Variants in SYT2 observed in about 807,000 individuals in gnomAD.
SYT2 encodes synaptotagmin-2.
Under a neutral mutation model 39.9 loss-of-function variants are expected in SYT2, and 15 were observed. The ratio of observed to expected loss-of-function variants is 0.38; its 90% CI spans 0.25 to 0.58. The LOEUF (loss-of-function observed/expected upper bound fraction) is 0.58. Ranked by LOEUF, SYT2 falls within the 20% of genes least tolerant of loss-of-function variation. The pLI is 0.70. For synonymous variants in SYT2, 181 were observed against 204.5 expected, an observed-to-expected ratio of 0.89 and a Z score of 0.98; for missense variants, 389 against 530.3, an observed-to-expected ratio of 0.73 and a Z score of 2.62.
rs1177775910 is a variant in SYT2, at chr1:202,628,076, C to T, written c.-17-22287G>A. 6.6e-6 allele frequency among the ~76,000 whole-genome samples: 1 copy of T among 152,178 alleles called. No homozygotes were observed. Among genetic ancestry groups the T allele is most frequent in the Non-Finnish European group, 1.5e-5 (1 of 68,034 alleles). ...TCTAACGGGAAGATCACAAAGGCAC[C>T]GGGCTCAGAGGTGGGTGCCGGGGGC... On this transcript the variant is annotated intron_variant, in intron 1 of 8. Transcript: ENST00000367268. The surrounding 1 kb of genome is among the most constrained non-coding windows in gnomAD (Gnocchi z 4.2).
intron 1 of SYT2, among the ~76,000 whole-genome samples, chr1:202,634,735 G>A (rs1348937527): frequency 6.6e-6 from 1 of 152,172 alleles, no homozygotes; most frequent in Non-Finnish European, 1.5e-5. Flanking sequence ...GCTTCAATGT[G>A]GCTAAACCTT....
chr1:202,597,763 A>C (rs1690350336), intron 8 of SYT2, among the ~76,000 whole-genome samples: 1 of 152,134 alleles, frequency 6.6e-6, no homozygotes, highest in African/African-American at 2.4e-5. Context: ...GACCCATTGG[A>C]GGATGCTGGA....
chr1:202,643,995 G>A lies in SYT2; in HGVS notation c.-17-38206C>T, dbSNP rs116135178. On this transcript the variant is annotated intron_variant, in intron 1 of 8. Transcript: ENST00000367268. ...GGGAGGGAAACGATTTGCTTCGGGA[G>A]ATAAGGATGAAGGTTTTCCTGAGTC... 7.5e-3 allele frequency among the ~76,000 whole-genome samples: 1,146 copies of A among 152,310 alleles called. 11 individuals carry two copies. Among genetic ancestry groups the A allele is most frequent in the African/African-American group, 0.026 (1,078 of 41,578 alleles).
intron 1 of SYT2, among the ~76,000 whole-genome samples, chr1:202,708,765 C>G (rs551103614): frequency 2.6e-5 from 4 of 152,218 alleles, no homozygotes; most frequent in Non-Finnish European, 5.9e-5. Context: ...TCAGAGCCAC[C>G]CTGCCCCCTT....
chr1:202,646,286 C>T (rs945962726), intron 1 of SYT2, among the ~76,000 whole-genome samples: 5 of 152,244 alleles, frequency 3.3e-5, no homozygotes, highest in African/African-American at 9.6e-5. Context: ...GGCCATGCTC[C>T]TTCCTGCTGC....
At chr1:202,661,591 G>A (rs933482723) in intron 1 of SYT2, among the ~76,000 whole-genome samples, 3 of 152,110 alleles carry the variant, frequency 2.0e-5, no homozygotes, top group Non-Finnish European at 2.9e-5. Context: ...GCCTGGCAGG[G>A]GGAGCTCAGC....
intron 1 of SYT2, among the ~76,000 whole-genome samples, chr1:202,634,539 G>A (rs1412346101): frequency 6.6e-6 from 1 of 151,516 alleles, no homozygotes; most frequent in Non-Finnish European, 1.5e-5. Context: ...GCATATACCC[G>A]AGAGAAATGA....
At chr1:202,607,273 C>T (rs529137955) in intron 1 of SYT2, among the ~76,000 whole-genome samples, 2 of 152,276 alleles carry the variant, frequency 1.3e-5, no homozygotes, top group East Asian at 3.9e-4. Context: ...GTTGACTGGG[C>T]TCCTCTGAGG....
Position 202,615,958 on chromosome 1 carries a change from G to A in SYT2, c.-17-10169C>T, listed in dbSNP as rs1691019732. Among the ~76,000 whole-genome samples the A allele has an allele frequency of 1.3e-5, 2 of 152,188 alleles. 1 individual carries two copies. The highest frequency in any genetic ancestry group is 4.1e-4 in the South Asian group (2 of 4,830). ...GCGCCAGCCCTGGAGAAATCCCACTGACAGCTTTCTCCTTCTCCATGGCTA... is the reference window on the plus strand; with the variant it reads ...GCGCCAGCCCTGGAGAAATCCCACTAACAGCTTTCTCCTTCTCCATGGCTA... On this transcript the variant is annotated intron_variant, in intron 1 of 8. Transcript: ENST00000367268.
chr1:202,611,983 T>C (rs1414168819), intron 1 of SYT2, among the ~76,000 whole-genome samples: 1 of 152,140 alleles, frequency 6.6e-6, no homozygotes, highest in Non-Finnish European at 1.5e-5. Flanking sequence ...CCCGAGTAGC[T>C]AGGACTACAG....
At chr1:202,620,397 A>AT (rs1691171060) in intron 1 of SYT2, among the ~76,000 whole-genome samples, 3 of 151,808 alleles carry the variant, frequency 2.0e-5, no homozygotes, top group Non-Finnish European at 4.4e-5. Flanking sequence ...GAACAGCCAC[A>AT]CTTGGCCTGG....
rs140328497 is a variant in SYT2 at position 202,665,876 on chromosome 1, G to A, written c.-18+44382C>T. On this transcript the variant is annotated intron_variant, in intron 1 of 8. Transcript: ENST00000367268. ...TATTTCTTTAAAAAGCTAACTAGCC[G>A]GGCGCTGTGGCTCACACCTGTAATC... 6.3e-3 allele frequency among the ~76,000 whole-genome samples: 960 copies of A among 152,228 alleles called. 5 individuals are homozygous for A. Among genetic ancestry groups the A allele is most frequent in the Middle Eastern group, 0.01 (3 of 294 alleles).
intron 1 of SYT2, among the ~76,000 whole-genome samples, chr1:202,701,547 G>T (rs1326275031): frequency 2.6e-5 from 4 of 152,178 alleles, no homozygotes; most frequent in African/African-American, 9.7e-5. Context: ...AACTGAAAAT[G>T]GCATTTCATT....
intron 1 of SYT2, among the ~76,000 whole-genome samples, chr1:202,631,315 A>G (rs553400801): frequency 1.1e-4 from 16 of 152,166 alleles, no homozygotes; most frequent in Non-Finnish European, 2.2e-4. Context: ...GGTGGCTCCT[A>G]TCAGACCCTG....
At position 202,614,728 on chromosome 1, in the gene SYT2, C is replaced by T. The variant is rs1036596317; in HGVS notation, c.-17-8939G>A. ...TCCAGGTAAAGAGGAGATGAAAGGGCAGCCTAGGCAGAGAGCACAGCCTAT... is the reference window on the plus strand; with the variant it reads ...TCCAGGTAAAGAGGAGATGAAAGGGTAGCCTAGGCAGAGAGCACAGCCTAT... On this transcript the variant is annotated intron_variant, in intron 1 of 8. Coordinates refer to ENST00000367268, the MANE Select transcript of SYT2 (RefSeq NM_177402.5). This position sits in a 1 kb window ranked among gnomAD's most constrained non-coding sequence, Gnocchi z 4.0. Among the ~76,000 whole-genome samples, 7 of 152,200 alleles carry T rather than the reference C, an allele frequency of 4.6e-5. No individual in the cohort carries two copies. Among genetic ancestry groups the T allele is most frequent in the Non-Finnish European group, 1.0e-4 (7 of 68,032 alleles).
At position 202,601,953 on chromosome 1, in the gene SYT2, G is replaced by A; in HGVS notation, c.738C>T (p.Asn246=). The part of the protein sequence containing the change: ...DIIGEVKVPM[N]TVDLGQPIEE... The stretch of plus-strand genomic sequence containing the variant: ...CAATGGGCTGGCCGAGGTCCACTGT[G>A]TTCATAGGCACCTTTACCTCTCCAA... The change falls in exon 6 of 9, where the codon AAC becomes AAT. Residue 246 remains asparagine, a synonymous_variant. Coordinates refer to ENST00000367268, the MANE Select transcript of SYT2 (RefSeq NM_177402.5). This position sits in a 1 kb window ranked among gnomAD's most constrained non-coding sequence, Gnocchi z 4.0. 3.1e-6 allele frequency: 5 copies of A among 1,614,192 alleles called. No homozygotes were observed. The highest frequency in any genetic ancestry group is 1.3e-5 in the African/African-American group (1 of 75,048).
intron 1 of SYT2, among the ~76,000 whole-genome samples, chr1:202,654,490 T>A (rs1246649871): frequency 1.3e-5 from 2 of 152,198 alleles, no homozygotes; most frequent in African/African-American, 4.8e-5. Flanking sequence ...AATTCATTCA[T>A]CCATTCAACA....
intron 1 of SYT2, among the ~76,000 whole-genome samples, chr1:202,668,310 C>T (rs1048807977): frequency 4.6e-5 from 7 of 152,076 alleles, no homozygotes; most frequent in Admixed American, 1.3e-4. Context: ...TTTTTCATTA[C>T]GGTCTAAACC....
chr1:202,693,699 A>G (rs1213924678), intron 1 of SYT2, among the ~76,000 whole-genome samples: 15 of 152,216 alleles, frequency 9.9e-5, no homozygotes, highest in Non-Finnish European at 2.2e-4. Flanking sequence ...GGGTCCCTGG[A>G]GTCAAGTTTG....
Sources: allele counts gnomAD v4.1 joint callset (sites outside exome capture counted in the v4.1 genomes callset), GRCh38; gene constraint gnomAD v4.1.1; non-coding constraint Gnocchi (gnomAD v3.1); transcripts MANE v1.5; gene names NCBI Gene and HGNC (gene_info 2026-07-23, HGNC 2026-07-21).